The following STON1 variants were observed in gnomAD, a reference collection of about 807,000 sequenced individuals.
The protein encoded by STON1 is stonin 1, also known as stonin-1.
In STON1, 79 loss-of-function variants were observed where a neutral mutation model predicts 60.9. The observed-to-expected ratio is 1.30, with a 90% CI of 1.08 to 1.56. STON1 has a LOEUF of 1.56. STON1 is among the 40% of genes most tolerant of loss of function. STON1 has a pLI of 0.00. For missense variants in STON1, 1,166 were observed against 858.9 expected (o/e 1.36, Z -4.47); for synonymous variants, 363 against 306.9 (o/e 1.18, Z -1.91).
intron 1 of STON1, among the ~76,000 whole-genome samples, chr2:48,565,092 G>A (rs1268100413): frequency 3.1e-4 from 35 of 113,110 alleles, no homozygotes; most frequent in Non-Finnish European, 4.8e-4. Flanking sequence ...TCGCTCTGTC[G>A]CCCAGGCTGG....
At chr2:48,573,743 C>G (rs1277730458) in intron 1 of STON1, among the ~76,000 whole-genome samples, 4 of 152,160 alleles carry the variant, frequency 2.6e-5, no homozygotes, top group Non-Finnish European at 5.9e-5. Context: ...CAGCATTTTT[C>G]AAAGTAACTA....
At position 48,581,272 on chromosome 2, in the gene STON1, G is replaced by GA. The variant is rs1673865145; in HGVS notation, c.640dup (p.Met214AsnfsTer4). ...AGATGTTCTCATCAAGAAACAAGGA[G>GA]ATGCCTATTGACCAAAAAAGCCTAA... is the stretch of plus-strand genomic sequence containing the variant. On this transcript the variant is annotated frameshift_variant, in exon 2 of 4. Coordinates refer to ENST00000404752, the MANE Select transcript of STON1 (RefSeq NM_006873.4). LOFTEE classifies it high-confidence loss of function. The GA allele has an allele frequency of 6.6e-7, 1 of 1,518,818 alleles. No individual in the cohort carries two copies. The highest frequency in any genetic ancestry group is 1.3e-5 in the South Asian group (1 of 74,456). The allele number at this position is 1,518,818 out of a possible 1,614,324, so 94.1% of individuals were successfully genotyped here. A position where few individuals can be genotyped will look rare whatever the true frequency, so the allele number is the denominator to read the frequency against.
chr2:48,591,927 GT>G, intron 3 of STON1, 72 bp downstream of exon 3: 1 of 1,542,900 alleles, frequency 6.5e-7, no homozygotes, highest in Non-Finnish European at 8.8e-7. Flanking sequence ...TTTTGTGATC[GT>G]GTATGTGTTG....
chr2:48,584,080 G>A (rs1351485628), intron 2 of STON1, among the ~76,000 whole-genome samples: 1 of 151,968 alleles, frequency 6.6e-6, no homozygotes, highest in African/African-American at 2.4e-5. Context: ...AGTACTTACT[G>A]TATACCAAGT....
At position 48,597,821 on chromosome 2, in the gene STON1, G is replaced by A. The variant is rs72824136; in HGVS notation, c.*2519G>A. 0.11 allele frequency: 17,162 copies of A among 152,290 alleles called. 1,225 individuals carry two copies. Among genetic ancestry groups the A allele is most frequent in the East Asian group, 0.25 (1,308 of 5,170 alleles). The allele number at this position is 152,290 out of a possible 1,614,324, so 9.4% of individuals were successfully genotyped here. ...ATTCAATTCTTCTGACCTCAGAACT[G>A]GCAGAAGGTCAGATGTGACTACAGA... On this transcript the variant is annotated 3_prime_UTR_variant, in exon 4 of 4. Transcript: ENST00000404752.
intron 1 of STON1, among the ~76,000 whole-genome samples, chr2:48,545,801 G>A (rs1469268800): frequency 6.6e-6 from 1 of 152,124 alleles, no homozygotes; most frequent in Non-Finnish European, 1.5e-5. Context: ...GATGTATGTG[G>A]CTCAGGCATT....
intron 3 of STON1, among the ~76,000 whole-genome samples, chr2:48,593,314 A>C (rs932320572): frequency 2.7e-5 from 4 of 150,684 alleles, no homozygotes; most frequent in Non-Finnish European, 4.4e-5. Flanking sequence ...ATGGGGTTTC[A>C]CCATGTTGGC....
At chr2:48,538,353 T>A (rs986972565) in intron 1 of STON1, among the ~76,000 whole-genome samples, 1 of 152,196 alleles carries the variant, frequency 6.6e-6, no homozygotes, top group African/African-American at 2.4e-5. Context: ...GAACCACTTA[T>A]AAAGGGCATA....
chr2:48,573,809 A>G (rs1276547046), intron 1 of STON1, among the ~76,000 whole-genome samples: 2 of 152,240 alleles, frequency 1.3e-5, no homozygotes, highest in African/African-American at 4.8e-5. Context: ...ACAAAGTGTG[A>G]TATTTCCATG....
intron 3 of STON1, among the ~76,000 whole-genome samples, chr2:48,594,020 C>T (rs1003267786): frequency 5.9e-5 from 9 of 152,284 alleles, no homozygotes; most frequent in Middle Eastern, 6.8e-3. Context: ...CTTGGGCTAA[C>T]GCTGTAGGTC....
At chr2:48,551,561 G>T (rs896595411) in intron 1 of STON1, among the ~76,000 whole-genome samples, 1 of 152,226 alleles carries the variant, frequency 6.6e-6, no homozygotes, top group Non-Finnish European at 1.5e-5. Context: ...GGGACGGGGC[G>T]CTTTGATGGA....
intron 1 of STON1, among the ~76,000 whole-genome samples, chr2:48,537,375 T>C (rs543569681): frequency 6.6e-6 from 1 of 152,334 alleles, no homozygotes; most frequent in East Asian, 1.9e-4. Context: ...CATAACTATA[T>C]GAGATGATCA....
rs1235258477 is a variant in STON1 at position 48,555,426 on chromosome 2, G to A, written c.-47-25161G>A. 1.6e-4 allele frequency among the ~76,000 whole-genome samples: 13 copies of A among 80,838 alleles called. 1 individual carries two copies. The highest frequency in any genetic ancestry group is 3.4e-4 in the Non-Finnish European group (13 of 38,634). The allele number at this position is 80,838 out of a possible 152,430, so 53.0% of individuals were successfully genotyped here. On this transcript the variant is annotated intron_variant, in intron 1 of 3. Coordinates refer to ENST00000404752, the MANE Select transcript of STON1 (RefSeq NM_006873.4). ...CAGAGGCGCCCCTCACCTACCGGACGGGGCCACTGGCCGGGCAGGGGGGCT... is the reference window on the plus strand; with the variant it reads ...CAGAGGCGCCCCTCACCTACCGGACAGGGCCACTGGCCGGGCAGGGGGGCT...
intron 1 of STON1, among the ~76,000 whole-genome samples, chr2:48,577,789 T>G (rs1673603221): frequency 6.6e-6 from 1 of 151,438 alleles, no homozygotes; most frequent in African/African-American, 2.4e-5. Flanking sequence ...CTATTTTTTA[T>G]ATTTTTAGTA....
intron 1 of STON1, among the ~76,000 whole-genome samples, chr2:48,576,945 T>C (rs926346654): frequency 1.2e-4 from 18 of 151,884 alleles, no homozygotes; most frequent in African/African-American, 4.1e-4. Flanking sequence ...TCCCAGCTAC[T>C]TGGGAGGCTG....
intron 1 of STON1, among the ~76,000 whole-genome samples, chr2:48,551,572 G>A (rs914996612): frequency 2.0e-5 from 3 of 152,202 alleles, no homozygotes; most frequent in Non-Finnish European, 2.9e-5. Flanking sequence ...CTTTGATGGA[G>A]ATCCTGAGCT....
At chr2:48,561,754 G>A (rs1158913999) in intron 1 of STON1, among the ~76,000 whole-genome samples, 1 of 152,144 alleles carries the variant, frequency 6.6e-6, no homozygotes, top group Non-Finnish European at 1.5e-5. Flanking sequence ...GAGACCCATT[G>A]GTACAGAGTA....
chr2:48,555,432 A>C (rs1462215666), intron 1 of STON1, among the ~76,000 whole-genome samples: 1 of 64,328 alleles, frequency 1.6e-5, no homozygotes, highest in Non-Finnish European at 3.2e-5. Context: ...GGACGGGGCC[A>C]CTGGCCGGGC....
At chr2:48,533,960 G>C (rs1176657924) in intron 1 of STON1, among the ~76,000 whole-genome samples, 1 of 151,656 alleles carries the variant, frequency 6.6e-6, no homozygotes, top group Non-Finnish European at 1.5e-5. Flanking sequence ...GTAGAGATGG[G>C]GTTTCTCCAT....
Sources: allele counts gnomAD v4.1 joint callset (sites outside exome capture counted in the v4.1 genomes callset), GRCh38; gene constraint gnomAD v4.1.1; transcripts MANE v1.5; gene names NCBI Gene and HGNC (gene_info 2026-07-23, HGNC 2026-07-21).